Variants in CYP2B6 observed in about 807,000 individuals in gnomAD.
CYP2B6 encodes the protein cytochrome P450 2B6.
In CYP2B6, 35 loss-of-function variants were observed where a neutral mutation model predicts 43.4. The ratio of observed to expected loss-of-function variants is 0.81; its 90% CI spans 0.62 to 1.07. The LOEUF (loss-of-function observed/expected upper bound fraction) is 1.07, where lower values mean the gene tolerates loss of function less well. Among genes scored for constraint, CYP2B6 ranks in the 50% least tolerant of loss-of-function variants. The pLI, the probability that CYP2B6 is intolerant of heterozygous loss-of-function variation, is 0.00. For missense variants in CYP2B6, 624 were observed against 632.8 expected (o/e 0.99, Z 0.15); for synonymous variants, 239 against 239.2 (o/e 1.00, Z 0.01).
Position 41,016,909 on chromosome 19 carries a change from A to T in CYP2B6, c.*82A>T. 1 of 1,457,880 alleles carries T rather than the reference A, an allele frequency of 6.9e-7. No homozygotes were observed. Among genetic ancestry groups the T allele is most frequent in the South Asian group, 1.3e-5 (1 of 79,516 alleles). 90.3% of individuals were successfully genotyped at this position (1,457,880 alleles called of 1,614,324 possible). On this transcript the variant is annotated 3_prime_UTR_variant, in exon 9 of 9. Coordinates refer to ENST00000324071, the MANE Select transcript of CYP2B6 (RefSeq NM_000767.5). ...GTAGACAATGGCTCTGACTCCCCGC[A>T]ACTTCCTGCCTCTGAGAGACCTGCT...
At chr19:41,013,873 G>T (rs1181908721) in intron 8 of CYP2B6, among the ~76,000 whole-genome samples, 1 of 152,214 alleles carries the variant, frequency 6.6e-6, no homozygotes, top group Non-Finnish European at 1.5e-5. Context: ...TTATCCACAG[G>T]GAAAGGAACT....
Position 40,991,309 on chromosome 19 carries a change from G to A in CYP2B6, c.4G>A (p.Glu2Lys), listed in dbSNP as rs1555791859. M[E>K]LSVLLFLALL... ...GCAGGGCAGTCAGACCAGGACCATGGAACTCAGCGTCCTCCTCTTCCTTGC... is the reference window on the plus strand; with the variant it reads ...GCAGGGCAGTCAGACCAGGACCATGAAACTCAGCGTCCTCCTCTTCCTTGC... The change falls in exon 1 of 9, where the codon GAA (glutamate) becomes AAA (lysine). Residue 2 changes from glutamate to lysine, a missense_variant. Coordinates refer to ENST00000324071, the MANE Select transcript of CYP2B6 (RefSeq NM_000767.5). 6 of 1,614,038 alleles carry A rather than the reference G, an allele frequency of 3.7e-6. No homozygotes were observed. Among genetic ancestry groups the A allele is most frequent in the South Asian group, 3.3e-5 (3 of 91,076 alleles).
In CYP2B6 at chr19:41,012,781, G is replaced by A. The variant is rs1175849424; in HGVS notation, c.1260G>A (p.Leu420=). 1.2e-6 allele frequency: 2 copies of A among 1,614,112 alleles called. No homozygotes were observed. Among genetic ancestry groups the A allele is most frequent in the South Asian group, 2.2e-5 (2 of 91,090 alleles). Reference sequence around the variant, plus strand: ...ACTTTCTGGATGCCAATGGGGCACTGAAAAAGACTGAAGCTTTTATCCCCT... The same window carrying A: ...ACTTTCTGGATGCCAATGGGGCACTAAAAAAGACTGAAGCTTTTATCCCCT... ...PDHFLDANGA[L]KKTEAFIPFS... The change falls in exon 8 of 9, where the codon CTG becomes CTA. Residue 420 remains leucine (L), a synonymous_variant. Coordinates refer to ENST00000324071, the MANE Select transcript of CYP2B6 (RefSeq NM_000767.5).
chr19:41,010,333 T>C (rs1969261577), intron 6 of CYP2B6, among the ~76,000 whole-genome samples, 198 bp downstream of exon 6: 1 of 152,210 alleles, frequency 6.6e-6, no homozygotes, highest in Admixed American at 6.5e-5. Context: ...CCATGCGTTC[T>C]CCCACTGTTT....
intron 3 of CYP2B6, among the ~76,000 whole-genome samples, chr19:41,006,348 G>C (rs1969186113): frequency 2.6e-5 from 2 of 75,986 alleles, no homozygotes; most frequent in African/African-American, 9.5e-5. Flanking sequence ...TTTTTTTGTA[G>C]AGACAGGGTC....
chr19:41,009,869 G>A (rs1191753916), intron 5 of CYP2B6, 125 bp from the exon 6 acceptor site: 4 of 1,143,672 alleles, frequency 3.5e-6, no homozygotes, highest in Non-Finnish European at 5.1e-6. Context: ...ACAGAGAAAA[G>A]CAAACTGGGC....
At chr19:41,005,911 C>T (rs552652260) in intron 3 of CYP2B6, among the ~76,000 whole-genome samples, 17 of 152,064 alleles carry the variant, frequency 1.1e-4, no homozygotes, top group Non-Finnish European at 1.6e-4. Context: ...ACAGACAAAG[C>T]TTAGGAAAAG....
chr19:40,997,431 T>A (rs534568009), intron 1 of CYP2B6, among the ~76,000 whole-genome samples: 3 of 152,130 alleles, frequency 2.0e-5, no homozygotes, highest in Non-Finnish European at 4.4e-5. Flanking sequence ...TCCTGAATCT[T>A]AGGCTCGTTA....
rs566129457 is a variant in CYP2B6 at position 41,009,043 on chromosome 19, G to C, written c.646-176G>C. ...AGGATGAGGGAGGAAGATGCAGAAA[G>C]AGGTAAATGTGAGATAGATCAAAGG... is the stretch of plus-strand genomic sequence containing the variant. On this transcript the variant is annotated intron_variant, in intron 4 of 8. Coordinates refer to ENST00000324071, the MANE Select transcript of CYP2B6 (RefSeq NM_000767.5). Among the ~76,000 whole-genome samples the C allele has an allele frequency of 7.8e-3, 1,176 of 149,816 alleles. 8 individuals carry two copies. The highest frequency in any genetic ancestry group is 0.028 in the African/African-American group (1,131 of 40,446).
At position 41,004,416 on chromosome 19, in the gene CYP2B6, T is replaced by A. The variant is rs771800116; in HGVS notation, c.454T>A (p.Cys152Ser). The A allele has an allele frequency of 1.2e-6, 2 of 1,613,882 alleles. No individual in the cohort carries two copies. The highest frequency in any genetic ancestry group is 1.7e-6 in the Non-Finnish European group (2 of 1,179,972). ...VEERIQEEAQ[C>S]LIEELRKSKG... ...GGAGCGGATTCAGGAGGAGGCTCAG[T>A]GTCTGATAGAGGAGCTTCGGAAATC... is the stretch of plus-strand genomic sequence containing the variant. Residue 152 changes from cysteine to serine, a missense_variant, in exon 3 of 9, where the codon TGT becomes AGT. Cys to Ser is a moderately radical substitution (Grantham distance 112). Coordinates refer to ENST00000324071, the MANE Select transcript of CYP2B6 (RefSeq NM_000767.5).
At chr19:41,009,841 C>A in intron 5 of CYP2B6, 153 bp from the exon 6 acceptor site, 1 of 750,176 alleles carries the variant, frequency 1.3e-6, no homozygotes, top group Non-Finnish European at 2.3e-6. Flanking sequence ...TAGAGATACG[C>A]GGTTGGATGT....
intron 8 of CYP2B6, among the ~76,000 whole-genome samples, chr19:41,016,328 A>T (rs1162223386): frequency 7.2e-6 from 1 of 139,512 alleles, no homozygotes; most frequent in Non-Finnish European, 1.5e-5. Flanking sequence ...ACCACCTGGG[A>T]GGTGGAGGTT....
chr19:41,017,134 CG>C lies in CYP2B6; in HGVS notation c.*311del. ...CTCGGCTCACTGCAACCTCCACCCC[CG>C]GGGATCAAGCAACTCTCCTGCCTCA... On this transcript the variant is annotated 3_prime_UTR_variant, in exon 9 of 9. Transcript: ENST00000324071. 5.3e-6 allele frequency: 1 copy of C among 188,324 alleles called. No individual in the cohort carries two copies. The highest frequency in any genetic ancestry group is 1.3e-4 in the East Asian group (1 of 7,980). 11.7% of individuals were successfully genotyped at this position (188,324 alleles called of 1,614,324 possible).
Position 41,004,142 on chromosome 19 carries a change from G to C in CYP2B6, c.313G>C (p.Asp105His). ...FSGRGKIAMV[D>H]PFFRGYGVIF... is the part of the protein sequence containing the mutation. The stretch of plus-strand genomic sequence containing the variant: ...TGGCCGGGGAAAAATCGCCATGGTC[G>C]ACCCATTCTTCCGGGGATATGGTGA... The change falls in exon 2 of 9, where the codon GAC (aspartate) becomes CAC (histidine). Residue 105 changes from aspartate to histidine, a missense_variant. By Grantham distance (81) the Asp-to-His change is moderately conservative. Transcript: ENST00000324071. The C allele has an allele frequency of 7.3e-7, 1 of 1,377,538 alleles. No homozygotes were observed. The highest frequency in any genetic ancestry group is 1.1e-5 in the South Asian group (1 of 87,782). The allele number at this position is 1,377,538 out of a possible 1,614,324, so 85.3% of individuals were successfully genotyped here. A position where few individuals can be genotyped will look rare whatever the true frequency, so the allele number is the denominator to read the frequency against.
At chr19:41,006,675 G>A (rs536012403) in intron 3 of CYP2B6, among the ~76,000 whole-genome samples, 1 of 151,900 alleles carries the variant, frequency 6.6e-6, no homozygotes, top group African/African-American at 2.4e-5. Flanking sequence ...TCAGCCTCTC[G>A]GTCTGCCCAT....
chr19:41,005,095 C>T (rs2144668290), intron 3 of CYP2B6, among the ~76,000 whole-genome samples: 1 of 152,278 alleles, frequency 6.6e-6, no homozygotes, highest in South Asian at 2.1e-4. Context: ...AAACTACAGA[C>T]ATTTAACAAA....
At chr19:41,001,764 C>CA (rs1468933915) in intron 1 of CYP2B6, among the ~76,000 whole-genome samples, 1 of 152,060 alleles carries the variant, frequency 6.6e-6, no homozygotes, top group Non-Finnish European at 1.5e-5. Flanking sequence ...GCATCTTGGA[C>CA]AAGACATACG....
intron 8 of CYP2B6, among the ~76,000 whole-genome samples, chr19:41,014,552 A>G (rs1969332411): frequency 6.6e-6 from 1 of 152,054 alleles, no homozygotes; most frequent in Non-Finnish European, 1.5e-5. Context: ...TGATATGCCC[A>G]CCTCAGTTTC....
At chr19:40,995,357 C>A (rs536327635) in intron 1 of CYP2B6, among the ~76,000 whole-genome samples, 1 of 152,218 alleles carries the variant, frequency 6.6e-6, no homozygotes, top group Non-Finnish European at 1.5e-5. Context: ...AGATCCGAGA[C>A]CCTGACATTT....
Sources: gnomAD v4.1 joint callset for allele counts (sites outside exome capture counted in the v4.1 genomes callset) on GRCh38, gnomAD v4.1.1 for gene constraint, MANE v1.5 for transcripts, NCBI Gene and HGNC (gene_info 2026-07-23, HGNC 2026-07-21) for gene names.